Variants in DAPP1 observed in about 807,000 individuals in gnomAD.
The protein encoded by DAPP1 is dual adapter for phosphotyrosine and 3-phosphotyrosine and 3-phosphoinositide.
DAPP1 carries 20 observed loss-of-function variants against 41.5 expected under a neutral mutation model. The ratio of observed to expected loss-of-function variants is 0.48; its 90% confidence interval spans 0.34 to 0.70. The LOEUF (loss-of-function observed/expected upper bound fraction) is 0.70, where lower values mean the gene tolerates loss of function less well. Among genes scored for constraint, DAPP1 ranks in the 30% least tolerant of loss-of-function variants. DAPP1 has a pLI of 0.01. For synonymous variants in DAPP1, 113 were observed against 116.2 expected (o/e 0.97, Z 0.18); for missense variants, 233 against 333.4 (o/e 0.70, Z 2.35).
At chr4:99,857,800 A>T (rs1033934941) in intron 4 of DAPP1, among the ~76,000 whole-genome samples, 13 of 151,914 alleles carry the variant, frequency 8.6e-5, no homozygotes, top group African/African-American at 2.4e-4. Context: ...TATATTTAAA[A>T]TTTTTTTCAT....
intron 7 of DAPP1, 62 bp from the exon 8 acceptor site, chr4:99,865,972 A>AATATAATATATTATATATAT (rs1237687017): frequency 1.7e-4 from 25 of 147,786 alleles, no homozygotes; most frequent in Non-Finnish European, 1.5e-4. Context: ...TATATTATAT[A>AATATAATATATTATATATAT]TATATATATA....
intron 1 of DAPP1, among the ~76,000 whole-genome samples, chr4:99,829,343 G>C (rs368537538): frequency 3.3e-5 from 5 of 151,972 alleles, no homozygotes; most frequent in African/African-American, 1.2e-4. Flanking sequence ...TGCCAGGTGT[G>C]GTGGTGCACA....
intron 1 of DAPP1, among the ~76,000 whole-genome samples, chr4:99,823,468 C>T (rs190480187): frequency 6.6e-6 from 1 of 152,186 alleles, no homozygotes; most frequent in Non-Finnish European, 1.5e-5. Flanking sequence ...TTTCTGTACA[C>T]ACACACAAAC....
At chr4:99,828,116 T>A (rs140192597) in intron 1 of DAPP1, among the ~76,000 whole-genome samples, 3 of 152,286 alleles carry the variant, frequency 2.0e-5, no homozygotes, top group Non-Finnish European at 4.4e-5. Flanking sequence ...TGGATAAGAG[T>A]ACTATAGAGT....
chr4:99,856,633 C>T (rs986001265), intron 4 of DAPP1, among the ~76,000 whole-genome samples: 7 of 152,136 alleles, frequency 4.6e-5, no homozygotes, highest in Admixed American at 1.3e-4. Context: ...TACTATCATG[C>T]GTGAGTGTCA....
intron 3 of DAPP1, 87 bp downstream of exon 3, chr4:99,840,509 G>A (rs774918867): frequency 7.1e-7 from 1 of 1,400,978 alleles, no homozygotes; most frequent in Non-Finnish European, 9.7e-7. Context: ...GAATGTCATT[G>A]TTGTCATTTA....
chr4:99,838,156 C>T (rs1224518700), intron 2 of DAPP1, among the ~76,000 whole-genome samples: 1 of 152,118 alleles, frequency 6.6e-6, no homozygotes, highest in East Asian at 1.9e-4. Flanking sequence ...AGTTAATTAA[C>T]TTTTCACCTA....
intron 7 of DAPP1, chr4:99,864,138 T>C (rs1248608146): frequency 4.7e-6 from 1 of 214,650 alleles, no homozygotes. Flanking sequence ...TGAGGCTTTC[T>C]CCCTCATTTT....
intron 1 of DAPP1, among the ~76,000 whole-genome samples, chr4:99,824,509 T>A (rs1722874488): frequency 6.6e-6 from 1 of 152,186 alleles, no homozygotes. Flanking sequence ...AGATAACTAA[T>A]GAAACAAGAA....
In DAPP1 at chr4:99,861,636, G is replaced by A. The variant is rs569296935; in HGVS notation, c.537+11G>A. The A allele has an allele frequency of 3.2e-6, 5 of 1,568,808 alleles. No individual in the cohort carries two copies. The Admixed American group carries it at 7.5e-5, about 24-fold the overall frequency. On this transcript the variant is annotated intron_variant, in intron 5 of 8. Coordinates refer to ENST00000512369, the MANE Select transcript of DAPP1 (RefSeq NM_014395.3). Reference sequence around the variant, plus strand: ...GGAGGCCTGGTCAAGGTAAGGAAGTGTGGTTTTGCTCATGCCAGCCACAGA... The same window carrying A: ...GGAGGCCTGGTCAAGGTAAGGAAGTATGGTTTTGCTCATGCCAGCCACAGA...
intron 2 of DAPP1, among the ~76,000 whole-genome samples, chr4:99,838,340 A>G (rs1723373007): frequency 6.6e-6 from 1 of 152,174 alleles, no homozygotes; most frequent in South Asian, 2.1e-4. Context: ...AATTCAGGAG[A>G]ATGACTATTT....
rs1560710828 is a variant in DAPP1, at chr4:99,865,900, A to ATATATATATAT, written c.687-134_687-133insTATATATATAT. On this transcript the variant is annotated intron_variant, in intron 7 of 8. Transcript: ENST00000512369. ...GCAATACTCTAATTAGTGTTCAACT[A>ATATATATATAT]ATATATATATATATATATATATATA... The ATATATATATAT allele has an allele frequency of 4.3e-5, 3 of 69,974 alleles. 1 individual carries two copies. Among genetic ancestry groups the ATATATATATAT allele is most frequent in the Non-Finnish European group, 7.7e-5 (3 of 39,014 alleles). 4.3% of individuals were successfully genotyped at this position (69,974 alleles called of 1,614,324 possible). A position where few individuals can be genotyped will look rare whatever the true frequency, so the allele number is the denominator to read the frequency against.
In DAPP1 at chr4:99,868,130, A is replaced by G. The variant is rs187147584; in HGVS notation, c.788A>G (p.Lys263Arg). 9.9e-6 allele frequency: 16 copies of G among 1,613,884 alleles called. No individual in the cohort carries two copies. The Admixed American group carries it at 1.8e-4, about 18-fold the overall frequency. The change falls in exon 9 of 9, where the codon AAA becomes AGA. Residue 263 changes from lysine to arginine, a missense_variant. Physicochemically the swap from Lys to Arg is conservative, Grantham distance 26 (BLOSUM62 2). Transcript: ENST00000512369. ...ILRWKLSQIR[K>R]QLNQGEGTIR... ...ACTTTATTACAGTCACAAATAAGAA[A>G]ACAGCTCAACCAAGGGGAAGGCACG...
At chr4:99,839,820 G>T (rs939152056) in intron 2 of DAPP1, among the ~76,000 whole-genome samples, 7 of 152,192 alleles carry the variant, frequency 4.6e-5, no homozygotes, top group Non-Finnish European at 7.3e-5. Context: ...TCAACACTTT[G>T]GGAAGCCGAG....
chr4:99,854,383 T>C (rs1411958276), intron 4 of DAPP1, among the ~76,000 whole-genome samples: 2 of 152,216 alleles, frequency 1.3e-5, no homozygotes, highest in Non-Finnish European at 2.9e-5. Flanking sequence ...AAGAACTAAT[T>C]CTGGATAGTA....
chr4:99,817,153 A>T (rs1298685155), intron 1 of DAPP1, 139 bp downstream of exon 1: 1 of 576,546 alleles, frequency 1.7e-6, no homozygotes, highest in Non-Finnish European at 3.0e-6. Flanking sequence ...TTTCCACTTT[A>T]TTCATTTGTA....
chr4:99,847,287 A>G (rs1723697175), intron 3 of DAPP1, among the ~76,000 whole-genome samples: 1 of 152,228 alleles, frequency 6.6e-6, no homozygotes, highest in South Asian at 2.1e-4. Context: ...TATTTCAGAT[A>G]CCAAACCAAT....
At chr4:99,835,918 A>G (rs1723284653) in intron 2 of DAPP1, among the ~76,000 whole-genome samples, 173 bp downstream of exon 2, 1 of 152,188 alleles carries the variant, frequency 6.6e-6, no homozygotes, top group Non-Finnish European at 1.5e-5. Context: ...TGCTCCATTC[A>G]TTAGCAGGAA....
chr4:99,853,453 G>T, intron 4 of DAPP1, 105 bp downstream of exon 4: 1 of 1,429,386 alleles, frequency 7.0e-7, no homozygotes, highest in Non-Finnish European at 9.4e-7. Flanking sequence ...ATTCTAGCTT[G>T]GAATATAAAA....
Sources: gnomAD v4.1 joint callset for allele counts (sites outside exome capture counted in the v4.1 genomes callset) on GRCh38, gnomAD v4.1.1 for gene constraint, MANE v1.5 for transcripts, NCBI Gene and HGNC (gene_info 2026-07-23, HGNC 2026-07-21) for gene names.